The following GPR22 variants were observed in gnomAD, a reference collection of about 807,000 sequenced individuals.
GPR22 encodes the protein G-protein coupled receptor 22.
GPR22 carries 13 observed loss-of-function variants against 31.0 expected under a neutral mutation model. The ratio of observed to expected loss-of-function variants is 0.42; its 90% CI spans 0.27 to 0.67. GPR22 has a LOEUF of 0.67. GPR22 is among the 30% of genes least tolerant of loss of function. GPR22 has a pLI of 0.25. For synonymous variants in GPR22, 191 were observed against 173.4 expected, an observed-to-expected ratio of 1.10 and a Z score of -0.80; for missense variants, 368 against 509.6, an observed-to-expected ratio of 0.72 and a Z score of 2.67.
Position 107,474,844 on chromosome 7 carries a change from C to G in GPR22, c.784C>G (p.Leu262Val), listed in dbSNP as rs145226500. ...KKARKKKTIS[L>V]TTQHEATDMS... is the part of the protein sequence containing the mutation. ...AGCAAGAAAGAAAAAGACAATTTCTCTAACCACACAACATGAGGCTACAGA... is the reference window on the plus strand; with the variant it reads ...AGCAAGAAAGAAAAAGACAATTTCTGTAACCACACAACATGAGGCTACAGA... The change falls in exon 3 of 3, where the codon CTA becomes GTA. Residue 262 changes from leucine (L) to valine (V), a missense_variant. By Grantham distance (32) the Leu-to-Val change is conservative. Coordinates refer to ENST00000304402, the MANE Select transcript of GPR22 (RefSeq NM_005295.3). The surrounding 1 kb of genome is among the most constrained non-coding windows in gnomAD (Gnocchi z 5.7). 7 of 1,613,092 alleles carry G rather than the reference C, an allele frequency of 4.3e-6. No homozygotes were observed. The highest frequency in any genetic ancestry group is 1.3e-5 in the African/African-American group (1 of 74,876).
At chr7:107,476,278 A>G (rs1318288186), downstream of GPR22, among the ~76,000 whole-genome samples, 2 of 146,294 alleles carry the variant, frequency 1.4e-5, no homozygotes, top group Non-Finnish European at 3.0e-5. Flanking sequence ...TAGAAAGTTA[A>G]CTACCCAAAT....
At chr7:107,476,405 C>A (rs1320207181), downstream of GPR22, among the ~76,000 whole-genome samples, 1 of 151,318 alleles carries the variant, frequency 6.6e-6, no homozygotes, top group Non-Finnish European at 1.5e-5. Flanking sequence ...ATGTTCCCAC[C>A]AAATCATAGC....
chr7:107,475,240 C>A lies in GPR22; in HGVS notation c.1180C>A (p.Pro394Thr). 1 of 1,608,138 alleles carries A rather than the reference C, an allele frequency of 6.2e-7. No individual in the cohort carries two copies. The highest frequency in any genetic ancestry group is 8.5e-7 in the Non-Finnish European group (1 of 1,175,060). ...AGTTGTTTCTATAGTAGAAGCTGATCCCCTGCCTAATAATGCTGTAATACA... is the reference window on the plus strand; with the variant it reads ...AGTTGTTTCTATAGTAGAAGCTGATACCCTGCCTAATAATGCTGTAATACA... ...KRVVSIVEAD[P>T]LPNNAVIHNS... The change falls in exon 3 of 3, where the codon CCC (proline) becomes ACC (threonine). Residue 394 changes from proline to threonine, a missense_variant. Pro to Thr is a conservative substitution (Grantham distance 38). Coordinates refer to ENST00000304402, the MANE Select transcript of GPR22 (RefSeq NM_005295.3).
chr7:107,472,807 T>C (rs1796717219), intron 2 of GPR22: 1 of 151,962 alleles, frequency 6.6e-6, no homozygotes, highest in Non-Finnish European at 1.5e-5. Context: ...TTGAAAATTA[T>C]TAGCTTTTAT....
rs745742552 is a variant in GPR22, at chr7:107,474,901, G to A, written c.841G>A (p.Val281Ile). ...ACAAAGCAGTGGTGGGAGAAATGTAGTCTTTGGTGTAAGAACTTCAGTTTC... is the reference window on the plus strand; with the variant it reads ...ACAAAGCAGTGGTGGGAGAAATGTAATCTTTGGTGTAAGAACTTCAGTTTC... ...MSQSSGGRNV[V>I]FGVRTSVSVI... The change falls in exon 3 of 3, where the codon GTC becomes ATC. Residue 281 changes from valine (V) to isoleucine (I), a missense_variant. Physicochemically the swap from Val to Ile is conservative, Grantham distance 29. Transcript: ENST00000304402. The surrounding 1 kb of genome is among the most constrained non-coding windows in gnomAD (Gnocchi z 5.7). 76 of 1,613,092 alleles carry A rather than the reference G, an allele frequency of 4.7e-5. No homozygotes were observed. Among genetic ancestry groups the A allele is most frequent in the Non-Finnish European group, 5.8e-5 (69 of 1,179,506 alleles).
chr7:107,472,578 A>T (rs535688554), intron 2 of GPR22: 2 of 152,094 alleles, frequency 1.3e-5, no homozygotes, highest in African/African-American at 4.8e-5. Flanking sequence ...AGTTCAGAAA[A>T]TTTGGCACAC....
rs1397262583 is a variant in GPR22, at chr7:107,471,595, A to G, written c.-734A>G. ...ACATAAAATAACCACAAAAAGAAAA[A>G]CAATATAACTGTAAAAGCCTGAAAA... On this transcript the variant is annotated 5_prime_UTR_variant, in exon 2 of 3. Coordinates refer to ENST00000304402, the MANE Select transcript of GPR22 (RefSeq NM_005295.3). 2.0e-5 allele frequency: 3 copies of G among 152,066 alleles called. No individual in the cohort carries two copies. The highest frequency in any genetic ancestry group is 4.4e-5 in the Non-Finnish European group (3 of 67,944). The allele number at this position is 152,066 out of a possible 1,614,324, so 9.4% of individuals were successfully genotyped here.
At chr7:107,473,978 G>A (rs544275781) in intron 2 of GPR22, 57 bp from the exon 3 acceptor site, 8 of 681,798 alleles carry the variant, frequency 1.2e-5, no homozygotes, top group African/African-American at 5.4e-5. Flanking sequence ...CAAAGAACAC[G>A]TTATACGTCA....
At chr7:107,473,199 A>C (rs1030242857) in intron 2 of GPR22, among the ~76,000 whole-genome samples, 1 of 151,896 alleles carries the variant, frequency 6.6e-6, no homozygotes, top group Non-Finnish European at 1.5e-5. Flanking sequence ...ATATTCCTTT[A>C]AACTACTTCA....
downstream of GPR22, among the ~76,000 whole-genome samples, chr7:107,475,836 C>T (rs1407310045): frequency 6.6e-6 from 1 of 151,524 alleles, no homozygotes; most frequent in East Asian, 1.9e-4. Context: ...TACCACTATG[C>T]TATGTTTCCT....
chr7:107,474,796 T>C lies in GPR22; in HGVS notation c.736T>C (p.Phe246Leu). Reference protein sequence around the residue: ...QALNIRIGTRFSTGQKKKARK... With the variant: ...QALNIRIGTRLSTGQKKKARK... ...TCTTAATATTCGAATAGGCACAAGA[T>C]TTTCAACAGGGCAGAAGAAGAAAGC... is the stretch of plus-strand genomic sequence containing the variant. The change falls in exon 3 of 3, where the codon TTT becomes CTT. Residue 246 changes from phenylalanine (F) to leucine (L), a missense_variant. Phe to Leu is a conservative substitution (Grantham distance 22, BLOSUM62 0). Transcript: ENST00000304402. This position sits in a 1 kb window ranked among gnomAD's most constrained non-coding sequence, Gnocchi z 5.7. 1.2e-6 allele frequency: 2 copies of C among 1,612,570 alleles called. No homozygotes were observed. The highest frequency in any genetic ancestry group is 1.7e-6 in the Non-Finnish European group (2 of 1,179,386).
At chr7:107,473,911 A>G in intron 2 of GPR22, 124 bp from the exon 3 acceptor site, 1 of 513,958 alleles carries the variant, frequency 1.9e-6, no homozygotes, top group Non-Finnish European at 3.4e-6. Flanking sequence ...TTTTCTATTA[A>G]TAGTTTACAA....
chr7:107,472,595 T>A (rs1466461275), intron 2 of GPR22: 2 of 151,954 alleles, frequency 1.3e-5, no homozygotes, highest in Non-Finnish European at 2.9e-5. Context: ...ACACTTAAAA[T>A]TTTCCATTTT....
Position 107,475,531 on chromosome 7 carries a change from A to G in GPR22, c.*169A>G. On this transcript the variant is annotated 3_prime_UTR_variant, in exon 3 of 3. Coordinates refer to ENST00000304402, the MANE Select transcript of GPR22 (RefSeq NM_005295.3). The stretch of plus-strand genomic sequence containing the variant: ...GTCATATATATTCAATTTCTTCATT[A>G]CTTAATGTATTTGTTGCATGGCAGT... 2.0e-6 allele frequency: 1 copy of G among 492,352 alleles called. No homozygotes were observed. Among genetic ancestry groups the G allele is most frequent in the South Asian group, 4.4e-5 (1 of 22,706 alleles). 30.5% of individuals were successfully genotyped at this position (492,352 alleles called of 1,614,324 possible). A position where few individuals can be genotyped will look rare whatever the true frequency, so the allele number is the denominator to read the frequency against.
At chr7:107,473,580 T>C (rs968396262) in intron 2 of GPR22, among the ~76,000 whole-genome samples, 5 of 151,954 alleles carry the variant, frequency 3.3e-5, no homozygotes, top group Non-Finnish European at 7.4e-5. Flanking sequence ...TCCTGTTCAT[T>C]TGAAATCTCA....
At chr7:107,472,619 T>TAA (rs1563054407) in intron 2 of GPR22, 4 of 152,012 alleles carry the variant, frequency 2.6e-5, no homozygotes, top group Non-Finnish European at 5.9e-5. Flanking sequence ...AGGATTTCAA[T>TAA]GTTAGCTAAG....
Position 107,475,296 on chromosome 7 carries a change from A to G in GPR22, c.1236A>G (p.Lys412=). ...HNSWIDPKRN[K]KITFEDSEIR... ...CTTGGATAGATCCTAAAAGAAACAA[A>G]AAAATTACCTTTGAAGATAGTGAAA... The change falls in exon 3 of 3, where the codon AAA becomes AAG. Residue 412 remains lysine, a synonymous_variant. Transcript: ENST00000304402. The G allele has an allele frequency of 6.3e-7, 1 of 1,593,062 alleles. No individual in the cohort carries two copies.
At chr7:107,477,701 T>C (rs1797075055), downstream of GPR22, among the ~76,000 whole-genome samples, 1 of 151,860 alleles carries the variant, frequency 6.6e-6, no homozygotes, top group Non-Finnish European at 1.5e-5. Context: ...GTATATAATA[T>C]GTAAACCAAA....
chr7:107,473,975 C>T (rs1796812712), intron 2 of GPR22, 60 bp from the exon 3 acceptor site: 4 of 606,204 alleles, frequency 6.6e-6, no homozygotes, highest in Non-Finnish European at 5.6e-6. Context: ...TTACAAAGAA[C>T]ACGTTATACG....
Sources: gnomAD v4.1 joint callset for allele counts (sites outside exome capture counted in the v4.1 genomes callset) on GRCh38, gnomAD v4.1.1 for gene constraint, Gnocchi (gnomAD v3.1) non-coding constraint, MANE v1.5 for transcripts, NCBI Gene and HGNC (gene_info 2026-07-23, HGNC 2026-07-21) for gene names.